The following GLOD5 variants were observed in gnomAD, a reference collection of about 807,000 sequenced individuals.
GLOD5 encodes glyoxalase domain containing 5.
A neutral mutation model predicts 9.9 loss-of-function variants in GLOD5; 7 were observed. The observed-to-expected ratio is 0.71, with a 90% CI of 0.40 to 1.33. The LOEUF is 1.33. GLOD5 is among the 40% of genes most tolerant of loss of function. GLOD5 has a pLI of 0.01. For synonymous variants in GLOD5, 49 were observed against 47.3 expected (o/e 1.04, Z -0.14); for missense variants, 146 against 128.4 (o/e 1.14, Z -0.66).
chrX:48,770,474 G>A (rs1230916062), intron 2 of GLOD5, among the ~76,000 whole-genome samples: 2 of 111,126 alleles, frequency 1.8e-5, no homozygotes, highest in Non-Finnish European at 3.8e-5. Context: ...AAGTGAATGA[G>A]CAATAAGGGC....
chrX:48,761,780 C>T lies in GLOD5; in HGVS notation c.-11C>T. 1 of 1,163,804 alleles carries T rather than the reference C, an allele frequency of 8.6e-7. No homozygotes were observed. Among genetic ancestry groups the T allele is most frequent in the Non-Finnish European group, 1.1e-6 (1 of 869,712 alleles). ...GTCGGGAGGACCCTGGGCAAAGACG[C>T]CTACCCTGCCATGCTGCGCCATCTG... On this transcript the variant is annotated 5_prime_UTR_variant, in exon 1 of 4. Coordinates refer to ENST00000303227, the MANE Select transcript of GLOD5 (RefSeq NM_001080489.3).
intron 2 of GLOD5, 23 bp downstream of exon 2, chrX:48,765,995 A>T: frequency 1.8e-5 from 21 of 1,192,462 alleles, no homozygotes; most frequent in Non-Finnish European, 2.4e-5. Flanking sequence ...CCAAATGCCA[A>T]AATTCAGGTG....
intron 2 of GLOD5, among the ~76,000 whole-genome samples, chrX:48,767,006 C>A (rs868992357): frequency 0.031 from 258 of 8,389 alleles, 6 homozygotes; most frequent in African/African-American, 0.07. Context: ...AAAAAAAAAA[C>A]CAACATTGGA....
chrX:48,773,552 A>C lies in GLOD5; in HGVS notation c.*117A>C. ...GACTGAGGACTTAGGCACTTCACAC[A>C]TCCTGCTGAGGGGGGACCCAAGACA... On this transcript the variant is annotated 3_prime_UTR_variant, in exon 4 of 4. Coordinates refer to ENST00000303227, the MANE Select transcript of GLOD5 (RefSeq NM_001080489.3). The C allele has an allele frequency of 3.7e-6, 3 of 813,867 alleles. No homozygotes were observed. The highest frequency in any genetic ancestry group is 5.3e-6 in the Non-Finnish European group (3 of 570,697). The allele number at this position is 813,867 out of a possible 1,213,427, so 67.1% of individuals were successfully genotyped here. A position where few individuals can be genotyped will look rare whatever the true frequency, so the allele number is the denominator to read the frequency against.
At chrX:48,765,577 CAAAAAAAAAAA>C (rs66661999) in intron 1 of GLOD5, 6 of 177,530 alleles carry the variant, frequency 3.4e-5, no homozygotes, top group Admixed American at 7.0e-5. Flanking sequence ...GACTCTGTCT[CAAAAAAAAAAA>C]AAAAAAAAAA....
At chrX:48,770,571 G>A (rs782397356) in intron 2 of GLOD5, among the ~76,000 whole-genome samples, 1 of 111,257 alleles carries the variant, frequency 9.0e-6, no homozygotes, top group South Asian at 3.8e-4. Flanking sequence ...CGTGGCCTCC[G>A]GACGTGCTGG....
rs905368935 is a variant in GLOD5 at position 48,765,758 on chromosome X, G to A, written c.64-77G>A. 13 of 1,067,501 alleles carry A rather than the reference G, an allele frequency of 1.2e-5. No individual in the cohort carries two copies. The African/African-American group carries it at 2.2e-4, about 18-fold the overall frequency. 88.0% of individuals were successfully genotyped at this position (1,067,501 alleles called of 1,213,427 possible). On this transcript the variant is annotated intron_variant, in intron 1 of 3. Coordinates refer to ENST00000303227, the MANE Select transcript of GLOD5 (RefSeq NM_001080489.3). Reference sequence around the variant, plus strand: ...GGAAGTAGTGTAATTGGGGAGGTAGGGGGAGGTGAGGAGAAGAAAACACAG... The same window carrying A: ...GGAAGTAGTGTAATTGGGGAGGTAGAGGGAGGTGAGGAGAAGAAAACACAG...
At chrX:48,772,647 G>A (rs1293072612) in intron 3 of GLOD5, among the ~76,000 whole-genome samples, 2 of 111,791 alleles carry the variant, frequency 1.8e-5, no homozygotes, top group Non-Finnish European at 3.8e-5. Flanking sequence ...GGAAGTGTCA[G>A]TGAAAAAGAC....
intron 3 of GLOD5, among the ~76,000 whole-genome samples, chrX:48,771,832 T>A (rs1244401162): frequency 8.9e-6 from 1 of 112,053 alleles, no homozygotes; most frequent in African/African-American, 3.2e-5. Context: ...CTTGTTAGCA[T>A]CCACCTTCTA....
chrX:48,771,045 C>T lies in GLOD5; in HGVS notation c.320C>T (p.Thr107Ile), dbSNP rs1557017324. Residue 107 changes from threonine to isoleucine, a missense_variant, in exon 3 of 4, where the codon ACA (threonine) becomes ATA (isoleucine). Physicochemically the swap from Thr to Ile is moderately conservative, Grantham distance 89. Coordinates refer to ENST00000303227, the MANE Select transcript of GLOD5 (RefSeq NM_001080489.3). ...VPGSLDICLITEVPLEEMIQH... is the reference protein window; with the variant it reads ...VPGSLDICLIIEVPLEEMIQH... ...GGCTCCCTGGACATATGTCTGATCA[C>T]AGAGGTGCCTTTGGAGGAAATGATC... 3.4e-6 allele frequency: 4 copies of T among 1,193,905 alleles called. No homozygotes were observed. In the South Asian group the frequency reaches 7.5e-5, roughly 22 times the overall value.
Position 48,762,204 on chromosome X carries a change from T to C in GLOD5, c.63+351T>C, listed in dbSNP as rs185526000. 40 of 151,112 alleles carry C rather than the reference T, an allele frequency of 2.6e-4. 1 individual carries two copies. The Admixed American group carries it at 2.7e-3, about 10-fold the overall frequency. The allele number at this position is 151,112 out of a possible 1,213,427, so 12.5% of individuals were successfully genotyped here. A position where few individuals can be genotyped will look rare whatever the true frequency, so the allele number is the denominator to read the frequency against. ...GGAAACACAGCGCTGACCTTGAGCT[T>C]TAGGAGAGGAATTCAGAGGCCCCTG... On this transcript the variant is annotated intron_variant, in intron 1 of 3. Transcript: ENST00000303227.
At chrX:48,767,646 G>A (rs1602207362) in intron 2 of GLOD5, among the ~76,000 whole-genome samples, 2 of 111,633 alleles carry the variant, frequency 1.8e-5, no homozygotes, top group Non-Finnish European at 3.8e-5. Context: ...GGAGGCGGAG[G>A]TTGCAGTGAG....
intron 1 of GLOD5, chrX:48,765,494 C>T: frequency 3.9e-6 from 1 of 258,804 alleles, no homozygotes; most frequent in Non-Finnish European, 7.0e-6. Flanking sequence ...AGGAGAATCG[C>T]TTGAAGCTGG....
At chrX:48,768,254 T>G (rs2062614039) in intron 2 of GLOD5, among the ~76,000 whole-genome samples, 1 of 112,237 alleles carries the variant, frequency 8.9e-6, no homozygotes, top group Non-Finnish European at 1.9e-5. Flanking sequence ...AAGAACGTGC[T>G]GAGTGAAAAA....
At chrX:48,768,109 G>A (rs976879508) in intron 2 of GLOD5, among the ~76,000 whole-genome samples, 1 of 111,962 alleles carries the variant, frequency 8.9e-6, no homozygotes, top group Non-Finnish European at 1.9e-5. Flanking sequence ...GAGACTGTAG[G>A]CACGTGCCAC....
intron 3 of GLOD5, among the ~76,000 whole-genome samples, chrX:48,771,567 C>T (rs782162887): frequency 2.7e-5 from 3 of 111,600 alleles, no homozygotes; most frequent in East Asian, 2.8e-4. Flanking sequence ...CCGCCCACCT[C>T]GGCCTCCCAA....
intron 2 of GLOD5, chrX:48,766,217 C>G: frequency 3.1e-6 from 1 of 318,655 alleles, no homozygotes; most frequent in Non-Finnish European, 5.5e-6. Context: ...AAAGGTTAAC[C>G]AAGTATCCAG....
In GLOD5 at chrX:48,764,354, CACATCAT is replaced by C. The variant is rs782361507; in HGVS notation, c.64-1480_64-1474del. On this transcript the variant is annotated intron_variant, in intron 1 of 3. Transcript: ENST00000303227. ...AGTCTAGATTTTAACAAGATGACCACACATCATCATCATCATCAATCGTTTTATAGCA... is the reference window on the plus strand; with the variant it reads ...AGTCTAGATTTTAACAAGATGACCACCATCATCATCAATCGTTTTATAGCA... Among the ~76,000 whole-genome samples the C allele has an allele frequency of 2.4e-3, 272 of 111,262 alleles. 1 individual carries two copies. The highest frequency in any genetic ancestry group is 9.2e-3 in the Middle Eastern group (2 of 217).
intron 2 of GLOD5, among the ~76,000 whole-genome samples, chrX:48,770,583 A>G (rs1386776016): frequency 9.0e-6 from 1 of 111,202 alleles, no homozygotes; most frequent in Non-Finnish European, 1.9e-5. Context: ...ACGTGCTGGG[A>G]AATGTAGGTT....
Sources: gnomAD v4.1 joint callset for allele counts (sites outside exome capture counted in the v4.1 genomes callset) on GRCh38, gnomAD v4.1.1 for gene constraint, MANE v1.5 for transcripts, NCBI Gene and HGNC (gene_info 2026-07-23, HGNC 2026-07-21) for gene names.